The following PCDHGA3 variants were observed in gnomAD, a reference collection of about 807,000 sequenced individuals.
PCDHGA3 encodes protocadherin gamma-A3.
PCDHGA3 carries 40 observed loss-of-function variants against 58.5 expected under a neutral mutation model. The observed-to-expected ratio is 0.68, with a 90% CI of 0.53 to 0.89. PCDHGA3 has a LOEUF of 0.89. Among genes scored for constraint, PCDHGA3 ranks in the 40% least tolerant of loss-of-function variants. The pLI is 0.00. For synonymous variants in PCDHGA3, 530 were observed against 525.7 expected, an observed-to-expected ratio of 1.01 and a Z score of -0.11; for missense variants, 1,223 against 1,195.9, an observed-to-expected ratio of 1.02 and a Z score of -0.33.
Position 141,495,011 on chromosome 5 carries a change from G to A in PCDHGA3, c.2483+146G>A, listed in dbSNP as rs2099758277. On this transcript the variant is annotated intron_variant, in intron 2 of 3. Coordinates refer to ENST00000253812, the MANE Select transcript of PCDHGA3 (RefSeq NM_018916.4). ...CCAGGGAGGTCTTGGTGTGCGGGGG[G>A]CTGGCACACAGACCCCGGAAGGAAG... is the stretch of plus-strand genomic sequence containing the variant. 4.6e-6 allele frequency: 7 copies of A among 1,512,044 alleles called. No individual in the cohort carries two copies. In the East Asian group the frequency reaches 1.5e-4, roughly 32 times the overall value. 93.7% of individuals were successfully genotyped at this position (1,512,044 alleles called of 1,614,324 possible).
chr5:141,460,289 T>C, intron 1 of PCDHGA3, among the ~76,000 whole-genome samples: 1 of 152,148 alleles, frequency 6.6e-6, no homozygotes, highest in East Asian at 1.9e-4. Context: ...TTTGTATTTC[T>C]TATGTCCTAT....
At chr5:141,456,912 G>A (rs566842808) in intron 1 of PCDHGA3, among the ~76,000 whole-genome samples, 2 of 152,206 alleles carry the variant, frequency 1.3e-5, no homozygotes, top group South Asian at 2.1e-4. Context: ...GCAGTGAGCC[G>A]AGATCGCACC....
intron 1 of PCDHGA3, chr5:141,350,696 G>A (rs1758540273): frequency 6.2e-7 from 1 of 1,613,948 alleles, no homozygotes; most frequent in Non-Finnish European, 8.5e-7. Context: ...AGCCTTACCC[G>A]GGGTAAAATT....
In PCDHGA3 at chr5:141,431,746, G is replaced by C. The variant is rs780453684; in HGVS notation, c.2425-63061G>C. 6.2e-7 allele frequency: 1 copy of C among 1,614,062 alleles called. No individual in the cohort carries two copies. Among genetic ancestry groups the C allele is most frequent in the African/African-American group, 1.3e-5 (1 of 74,932 alleles). On this transcript the variant is annotated intron_variant, in intron 1 of 3. Transcript: ENST00000253812. The surrounding 1 kb of genome is among the most constrained non-coding windows in gnomAD (Gnocchi z 4.8). ...CAATGGATAATGCAGGATATTCTGC[G>C]CGAGCCAAAGTCCTGATCACTGTTC... is the stretch of plus-strand genomic sequence containing the variant.
At chr5:141,410,295 T>A (rs1043971768) in intron 1 of PCDHGA3, 1 of 1,613,982 alleles carries the variant, frequency 6.2e-7, no homozygotes, top group Admixed American at 1.7e-5. Flanking sequence ...GCCTTGGCCT[T>A]AATCTCAGTG....
At chr5:141,394,100 ACCACCTCTGT>A in intron 1 of PCDHGA3, 1 of 1,613,942 alleles carries the variant, frequency 6.2e-7, no homozygotes, top group Admixed American at 1.7e-5. Context: ...ATCTAGGAAC[ACCACCTCTGT>A]CCACTGAAAC....
At chr5:141,413,411 T>TC in intron 1 of PCDHGA3, 1 of 1,614,038 alleles carries the variant, frequency 6.2e-7, no homozygotes, top group Non-Finnish European at 8.5e-7. Flanking sequence ...ACGCAGCTTT[T>TC]CTCTCTGAAC....
At chr5:141,404,762 C>T (rs1466259455) in intron 1 of PCDHGA3, 1 of 1,613,828 alleles carries the variant, frequency 6.2e-7, no homozygotes, top group East Asian at 2.2e-5. Flanking sequence ...GAATGCTTGG[C>T]TCTCCTACCG....
At chr5:141,415,762 T>G (rs1561760360) in intron 1 of PCDHGA3, 16 of 1,399,878 alleles carry the variant, frequency 1.1e-5, no homozygotes, top group East Asian at 5.3e-5. Flanking sequence ...TTTTTTTTTT[T>G]TTTTTTTTTT....
chr5:141,393,464 C>T (rs1264655164), intron 1 of PCDHGA3: 10 of 1,613,912 alleles, frequency 6.2e-6, no homozygotes, highest in African/African-American at 2.7e-5. Context: ...CCTCGGATGG[C>T]GGCAAGCCGC....
chr5:141,408,442 G>A lies in PCDHGA3; in HGVS notation c.2424+61985G>A, dbSNP rs774397781. On this transcript the variant is annotated intron_variant, in intron 1 of 3. Transcript: ENST00000253812. ...AGCTGCACTTCAGCGTAGACGCGGA[G>A]AGCGGGGACTTACTTGTGAAGAACC... is the stretch of plus-strand genomic sequence containing the variant. 8.7e-6 allele frequency: 14 copies of A among 1,614,080 alleles called. 1 individual carries two copies. The South Asian group carries it at 1.5e-4, about 18-fold the overall frequency.
rs749817501 is a variant in PCDHGA3 at position 141,423,756 on chromosome 5, G to GT, written c.2425-71051_2425-71050insT. ...GCCTGTTATGAAAACTGTTTGGGGGGGGGGTGGGGCGGCATATATTTAGTT... is the reference window on the plus strand; with the variant it reads ...GCCTGTTATGAAAACTGTTTGGGGGGTGGGGTGGGGCGGCATATATTTAGTT... On this transcript the variant is annotated intron_variant, in intron 1 of 3. Transcript: ENST00000253812. 9 of 448,538 alleles carry GT rather than the reference G, an allele frequency of 2.0e-5. 1 individual carries two copies. Among genetic ancestry groups the GT allele is most frequent in the African/African-American group, 2.8e-5 (1 of 35,670 alleles). 27.8% of individuals were successfully genotyped at this position (448,538 alleles called of 1,614,324 possible).
intron 1 of PCDHGA3, chr5:141,379,619 T>C (rs1045405424): frequency 6.6e-6 from 1 of 152,170 alleles, no homozygotes; most frequent in African/African-American, 2.4e-5. Context: ...TTTAAACAAA[T>C]AAAATATTTC....
chr5:141,365,177 AAT>A, intron 1 of PCDHGA3: 2 of 1,613,884 alleles, frequency 1.2e-6, no homozygotes, highest in Non-Finnish European at 1.7e-6. Flanking sequence ...CTCTTTTCGC[AAT>A]GAAGAAGAAA....
In PCDHGA3 at chr5:141,383,199, G is replaced by A. The variant is rs574670513; in HGVS notation, c.2424+36742G>A. The stretch of plus-strand genomic sequence containing the variant: ...GGGAAGAGATCTGCGCTCAGAGTGC[G>A]CGGTGTCTGGTAAACTTTAACATCC... On this transcript the variant is annotated intron_variant, in intron 1 of 3. Transcript: ENST00000253812. 6.2e-6 allele frequency: 10 copies of A among 1,614,040 alleles called. No homozygotes were observed. The East Asian group carries it at 1.8e-4, about 29-fold the overall frequency.
intron 1 of PCDHGA3, chr5:141,422,315 C>T: frequency 6.5e-7 from 1 of 1,547,896 alleles, no homozygotes; most frequent in Non-Finnish European, 8.7e-7. Flanking sequence ...AACTCTCCTC[C>T]AGGTACAGTG....
At chr5:141,469,790 T>G (rs956670031) in intron 1 of PCDHGA3, among the ~76,000 whole-genome samples, 2 of 152,224 alleles carry the variant, frequency 1.3e-5, no homozygotes, top group African/African-American at 4.8e-5. Context: ...GCGTTATTTG[T>G]AATTGCAAAA....
chr5:141,426,394 A>G (rs1353766048), intron 1 of PCDHGA3: 1 of 258,122 alleles, frequency 3.9e-6, no homozygotes, highest in African/African-American at 2.2e-5. Flanking sequence ...CCGCTACTCT[A>G]TTCCAGAAGA....
In PCDHGA3 at chr5:141,372,908, T is replaced by A. The variant is rs1769157545; in HGVS notation, c.2424+26451T>A. The A allele has an allele frequency of 7.4e-6, 8 of 1,075,948 alleles. No individual in the cohort carries two copies. In the East Asian group the frequency reaches 2.1e-4, roughly 28 times the overall value. The allele number at this position is 1,075,948 out of a possible 1,614,324, so 66.7% of individuals were successfully genotyped here. ...ACAGATTAAATATTCCCTGATTACA[T>A]TATTTTATTGATTTTCTGGTGTAGA... On this transcript the variant is annotated intron_variant, in intron 1 of 3. Transcript: ENST00000253812.
Sources: gnomAD v4.1 joint callset for allele counts (sites outside exome capture counted in the v4.1 genomes callset) on GRCh38, gnomAD v4.1.1 for gene constraint, Gnocchi (gnomAD v3.1) non-coding constraint, MANE v1.5 for transcripts, NCBI Gene and HGNC (gene_info 2026-07-23, HGNC 2026-07-21) for gene names.